Variants in ADNP2 observed in about 807,000 individuals in gnomAD.
ADNP2 encodes the protein activity-dependent neuroprotector homeobox protein 2.
A neutral mutation model predicts 16.4 loss-of-function variants in ADNP2; 8 were observed. The ratio of observed to expected loss-of-function variants is 0.49; its 90% CI spans 0.29 to 0.88. The LOEUF is 0.88. ADNP2 is among the 40% of genes least tolerant of loss of function. ADNP2 has a pLI of 0.09. For synonymous variants in ADNP2, 637 were observed against 545.8 expected (o/e 1.17, Z -2.33); for missense variants, 1,397 against 1,395.1 (o/e 1.00, Z -0.02).
rs530302634 is a variant in ADNP2, at chr18:80,136,016, C to T, written c.603C>T (p.Asn201=). Residue 201 remains asparagine, a synonymous_variant, in exon 4 of 4, where the codon AAC becomes AAT. Transcript: ENST00000262198. ...TEEMGEQPKT[N]DTVSIEKIPP... ...AAATGGGTGAGCAACCGAAAACTAA[C>T]GATACTGTTTCTATAGAGAAGATCC... 4.8e-5 allele frequency: 78 copies of T among 1,614,194 alleles called. No homozygotes were observed. Among genetic ancestry groups the T allele is most frequent in the South Asian group, 1.1e-4 (10 of 91,082 alleles).
In ADNP2 at chr18:80,136,370, C is replaced by T; in HGVS notation, c.957C>T (p.Leu319=). The T allele has an allele frequency of 3.1e-6, 5 of 1,614,226 alleles. No homozygotes were observed. Among genetic ancestry groups the T allele is most frequent in the Non-Finnish European group, 3.4e-6 (4 of 1,180,036 alleles). ...VTVAQGAPGS[L]THSPPAAGQS... is the part of the protein sequence containing the mutation. ...TGGCCCAGGGTGCCCCTGGAAGCCT[C>T]ACTCATTCCCCCCCTGCTGCTGGCC... Residue 319 remains leucine, a synonymous_variant, in exon 4 of 4, where the codon CTC becomes CTT. Transcript: ENST00000262198.
chr18:80,115,762 C>G (rs781724641), intron 1 of ADNP2, among the ~76,000 whole-genome samples: 5 of 152,152 alleles, frequency 3.3e-5, no homozygotes, highest in Non-Finnish European at 7.4e-5. Flanking sequence ...TCTCCCAGCC[C>G]TGGCAGCCAC....
intron 2 of ADNP2, among the ~76,000 whole-genome samples, 163 bp from the exon 3 acceptor site, chr18:80,132,940 C>T (rs1430657405): frequency 3.3e-5 from 5 of 152,106 alleles, no homozygotes; most frequent in African/African-American, 9.7e-5. Context: ...AGGCTGGTCT[C>T]GACCTCCTGG....
chr18:80,130,464 C>T (rs935097640), intron 2 of ADNP2, among the ~76,000 whole-genome samples: 7 of 152,296 alleles, frequency 4.6e-5, no homozygotes, highest in African/African-American at 1.2e-4. Context: ...ACTTTCTACA[C>T]GCTTTGTGAA....
At chr18:80,111,729 G>C (rs2052358685) in intron 1 of ADNP2, among the ~76,000 whole-genome samples, 1 of 151,992 alleles carries the variant, frequency 6.6e-6, no homozygotes, top group Admixed American at 6.6e-5. Flanking sequence ...ATTTTTAGTA[G>C]AGACAGGGTT....
intron 2 of ADNP2, among the ~76,000 whole-genome samples, chr18:80,120,334 C>CTTT (rs71163859): frequency 2.8e-5 from 4 of 143,036 alleles, no homozygotes; most frequent in Admixed American, 7.0e-5. Context: ...ATATTCTTTT[C>CTTT]TTTTTTTTTT....
intron 2 of ADNP2, among the ~76,000 whole-genome samples, chr18:80,124,819 A>C (rs1356409602): frequency 6.6e-6 from 1 of 152,174 alleles, no homozygotes; most frequent in Admixed American, 6.5e-5. Context: ...TCTTAATTCT[A>C]GATATTTCAG....
At chr18:80,131,263 A>G (rs557921216) in intron 2 of ADNP2, among the ~76,000 whole-genome samples, 17 of 152,108 alleles carry the variant, frequency 1.1e-4, no homozygotes, top group Non-Finnish European at 2.4e-4. Context: ...AGAGTTACCA[A>G]TACGCAGTGT....
chr18:80,126,186 A>G (rs1414556203), intron 2 of ADNP2, among the ~76,000 whole-genome samples: 1 of 151,962 alleles, frequency 6.6e-6, no homozygotes, highest in Non-Finnish European at 1.5e-5. Flanking sequence ...TTCTTAATAT[A>G]CTACTACTTC....
rs766814558 is a variant in ADNP2, at chr18:80,136,857, G to T, written c.1444G>T (p.Val482Phe). The T allele has an allele frequency of 6.2e-7, 1 of 1,613,950 alleles. No homozygotes were observed. The highest frequency in any genetic ancestry group is 2.2e-5 in the East Asian group (1 of 44,834). ...TGGGGTTCTTCCTACTGGCCAGATGGTCCAGTCAGGAGTTCTCCCTGTGGG... is the reference window on the plus strand; with the variant it reads ...TGGGGTTCTTCCTACTGGCCAGATGTTCCAGTCAGGAGTTCTCCCTGTGGG... ...TSGVLPTGQMVQSGVLPVGQT... is the reference protein window; with the variant it reads ...TSGVLPTGQMFQSGVLPVGQT... Residue 482 changes from valine (V) to phenylalanine (F), a missense_variant, in exon 4 of 4, where the codon GTC (valine) becomes TTC (phenylalanine). Val to Phe is a conservative substitution (Grantham distance 50). This residue lies in a region of ADNP2 where 777 missense variants were observed against 719.4 expected (regional missense o/e 1.08). Transcript: ENST00000262198.
chr18:80,137,690 A>G lies in ADNP2; in HGVS notation c.2277A>G (p.Glu759=), dbSNP rs770513332. The part of the protein sequence containing the change: ...CLSCKCLVSE[E]ELIHHLLMHG... ...CTTGTAAGTGCTTGGTCTCTGAGGAAGAGCTTATACACCACTTGCTGATGC... is the reference window on the plus strand; with the variant it reads ...CTTGTAAGTGCTTGGTCTCTGAGGAGGAGCTTATACACCACTTGCTGATGC... Residue 759 remains glutamate (E), a synonymous_variant, in exon 4 of 4, where the codon GAA becomes GAG. Transcript: ENST00000262198. This position sits in a 1 kb window ranked among gnomAD's most constrained non-coding sequence, Gnocchi z 4.2. The G allele has an allele frequency of 9.9e-6, 16 of 1,614,098 alleles. No individual in the cohort carries two copies. The highest frequency in any genetic ancestry group is 4.4e-5 in the South Asian group (4 of 91,090).
chr18:80,113,551 A>C (rs1050201703), intron 1 of ADNP2, among the ~76,000 whole-genome samples: 4 of 152,164 alleles, frequency 2.6e-5, no homozygotes, highest in Non-Finnish European at 5.9e-5. Flanking sequence ...CCAGCTTTCC[A>C]TAGCCATGTC....
At chr18:80,128,452 C>T (rs1201321529) in intron 2 of ADNP2, among the ~76,000 whole-genome samples, 1 of 152,142 alleles carries the variant, frequency 6.6e-6, no homozygotes, top group Non-Finnish European at 1.5e-5. Context: ...GAGATTGAGA[C>T]CAGCCTGGCC....
At chr18:80,135,547 A>G in intron 3 of ADNP2, 65 bp from the exon 4 acceptor site, 6 of 1,384,390 alleles carry the variant, frequency 4.3e-6, no homozygotes, top group Non-Finnish European at 5.9e-6. Context: ...GTCCTCAGGG[A>G]CTGTGGAAGG....
intron 1 of ADNP2, among the ~76,000 whole-genome samples, chr18:80,112,270 C>T (rs944843579): frequency 6.6e-6 from 1 of 152,080 alleles, no homozygotes; most frequent in African/African-American, 2.4e-5. Context: ...AAGAATGGAT[C>T]TAAGAATGAA....
At chr18:80,117,281 G>T (rs959318874) in intron 1 of ADNP2, among the ~76,000 whole-genome samples, 1 of 152,002 alleles carries the variant, frequency 6.6e-6, no homozygotes, top group Non-Finnish European at 1.5e-5. Context: ...TTATGCTTAC[G>T]TTTTCTTATA....
At chr18:80,119,733 TAGG>T (rs1005011617) in intron 2 of ADNP2, among the ~76,000 whole-genome samples, 4 of 152,354 alleles carry the variant, frequency 2.6e-5, no homozygotes, top group Admixed American at 2.6e-4. Flanking sequence ...AGAAACTCTT[TAGG>T]AGTTGTTTTT....
chr18:80,126,048 T>C (rs931597419), intron 2 of ADNP2, among the ~76,000 whole-genome samples: 1 of 152,030 alleles, frequency 6.6e-6, no homozygotes, highest in Non-Finnish European at 1.5e-5. Flanking sequence ...CATCTCGGTG[T>C]TTGTTTTTTT....
Position 80,117,617 on chromosome 18 carries a change from TA to T in ADNP2, c.76del (p.Ile26LeufsTer10). 6.2e-7 allele frequency: 1 copy of T among 1,609,008 alleles called. No individual in the cohort carries two copies. The highest frequency in any genetic ancestry group is 8.5e-7 in the Non-Finnish European group (1 of 1,178,518). On this transcript the variant is annotated frameshift_variant, in exon 2 of 4. Transcript: ENST00000262198. LOFTEE classifies it high-confidence loss of function. ...AAAAGGTGAAAGGTATTCTTGTGGA[TA>T]TTGGGCTTGACAGCTGCAAGGAGTT... Reference protein sequence around the residue: ...RKKVKGILVDIGLDSCKELLK... With the variant: ...RKKVKGILVDXGLDSCKELLK...
Sources: gnomAD v4.1 joint callset for allele counts (sites outside exome capture counted in the v4.1 genomes callset) on GRCh38, gnomAD v4.1.1 for gene constraint, gnomAD v4.1.1 regional missense constraint, Gnocchi (gnomAD v3.1) non-coding constraint, MANE v1.5 for transcripts, NCBI Gene and HGNC (gene_info 2026-07-23, HGNC 2026-07-21) for gene names.